TMEM200A: variants seen among roughly 807,000 people sequenced by gnomAD.
TMEM200A encodes two transmembrane C.
TMEM200A carries 12 observed loss-of-function variants against 24.3 expected under a neutral mutation model. The ratio of observed to expected loss-of-function variants is 0.49; its 90% CI spans 0.32 to 0.80. TMEM200A has a LOEUF of 0.80. Ranked by LOEUF, TMEM200A falls within the 30% of genes least tolerant of loss-of-function variation. TMEM200A has a pLI of 0.04. For missense variants in TMEM200A, 545 were observed against 614.4 expected (o/e 0.89, Z 1.19); for synonymous variants, 224 against 224.4 (o/e 1.00, Z 0.02).
chr6:130,372,505 C>A (rs968784366), intron 1 of TMEM200A, among the ~76,000 whole-genome samples: 4 of 152,052 alleles, frequency 2.6e-5, no homozygotes, highest in Non-Finnish European at 5.9e-5. Flanking sequence ...CTGAATTTAC[C>A]TTTATACATA....
intron 1 of TMEM200A, among the ~76,000 whole-genome samples, chr6:130,384,034 C>T (rs908306060): frequency 1.3e-5 from 2 of 152,034 alleles, no homozygotes; most frequent in African/African-American, 2.4e-5. Context: ...GCACGAGAAT[C>T]GCCTGAACCC....
chr6:130,442,149 C>CA lies in TMEM200A; in HGVS notation c.*255dup, dbSNP rs1377577001. On this transcript the variant is annotated 3_prime_UTR_variant, in exon 3 of 3. Transcript: ENST00000296978. ...ATGATCTCTTTTATTAATATGAATGCAAAATGCTTGCATCCAAATTAAAGC... is the reference window on the plus strand; with the variant it reads ...ATGATCTCTTTTATTAATATGAATGCAAAAATGCTTGCATCCAAATTAAAGC... The CA allele has an allele frequency of 1.2e-5, 4 of 344,948 alleles. No individual in the cohort carries two copies. In the East Asian group the frequency reaches 2.0e-4, roughly 17 times the overall value. 21.4% of individuals were successfully genotyped at this position (344,948 alleles called of 1,614,324 possible).
At chr6:130,402,353 A>G (rs1002062002) in intron 2 of TMEM200A, among the ~76,000 whole-genome samples, 2 of 152,030 alleles carry the variant, frequency 1.3e-5, no homozygotes, top group Admixed American at 6.6e-5. Flanking sequence ...TCAGTTGAGC[A>G]AAAAATACAA....
intron 2 of TMEM200A, among the ~76,000 whole-genome samples, chr6:130,427,635 G>T (rs1401308988): frequency 6.6e-6 from 1 of 151,976 alleles, no homozygotes. Context: ...TTACCCTCAA[G>T]AAAAGTACCC....
At chr6:130,369,318 G>A (rs756625668) in intron 1 of TMEM200A, among the ~76,000 whole-genome samples, 4 of 152,140 alleles carry the variant, frequency 2.6e-5, no homozygotes, top group Non-Finnish European at 4.4e-5. Context: ...ACCAGTATGC[G>A]CCACTGCCTT....
chr6:130,442,075 G>C lies in TMEM200A; in HGVS notation c.*177G>C. On this transcript the variant is annotated 3_prime_UTR_variant, in exon 3 of 3. Coordinates refer to ENST00000296978, the MANE Select transcript of TMEM200A (RefSeq NM_001258277.2). ...TATGTTTGGGTTACTTGTGACTGCAGTACTCTATGTTACCACACATGATTT... is the reference window on the plus strand; with the variant it reads ...TATGTTTGGGTTACTTGTGACTGCACTACTCTATGTTACCACACATGATTT... The C allele has an allele frequency of 1.8e-6, 1 of 541,944 alleles. No homozygotes were observed. Among genetic ancestry groups the C allele is most frequent in the Non-Finnish European group, 3.2e-6 (1 of 308,924 alleles). 33.6% of individuals were successfully genotyped at this position (541,944 alleles called of 1,614,324 possible).
At chr6:130,429,394 C>T (rs1319837942) in intron 2 of TMEM200A, among the ~76,000 whole-genome samples, 2 of 152,006 alleles carry the variant, frequency 1.3e-5, no homozygotes, top group African/African-American at 4.8e-5. Context: ...TGGTGTCATG[C>T]GCCTGTAATC....
Position 130,391,731 on chromosome 6 carries a change from CTTTTTTTTTTTTT to C in TMEM200A, c.-17+6512_-17+6524del, listed in dbSNP as rs773093362. ...CACTTCTTTTAAACCTTCAAGATTC[CTTTTTTTTTTTTT>C]TTTTTTTTTTTTTTTTGAGACAGAG... On this transcript the variant is annotated intron_variant, in intron 2 of 2. Coordinates refer to ENST00000296978, the MANE Select transcript of TMEM200A (RefSeq NM_001258277.2). Among the ~76,000 whole-genome samples the C allele has an allele frequency of 2.9e-4, 24 of 81,888 alleles. 1 individual carries two copies. Among genetic ancestry groups the C allele is most frequent in the African/African-American group, 2.3e-4 (4 of 17,766 alleles). The allele number at this position is 81,888 out of a possible 152,430, so 53.7% of individuals were successfully genotyped here.
intron 2 of TMEM200A, among the ~76,000 whole-genome samples, chr6:130,411,344 C>T (rs1356018979): frequency 6.6e-6 from 1 of 152,056 alleles, no homozygotes; most frequent in Non-Finnish European, 1.5e-5. Context: ...AAGTACAGTA[C>T]AAAAAGCTGT....
intron 2 of TMEM200A, among the ~76,000 whole-genome samples, chr6:130,398,810 A>G (rs1434865945): frequency 2.0e-5 from 3 of 151,900 alleles, no homozygotes; most frequent in Non-Finnish European, 4.4e-5. Flanking sequence ...TCACCATCTA[A>G]TGATATTATA....
intron 2 of TMEM200A, among the ~76,000 whole-genome samples, chr6:130,402,636 A>G (rs544728509): frequency 1.3e-5 from 2 of 152,114 alleles, no homozygotes; most frequent in Non-Finnish European, 2.9e-5. Context: ...CTGTCTACCT[A>G]TGGAATATAC....
intron 2 of TMEM200A, among the ~76,000 whole-genome samples, chr6:130,416,059 CTTG>C (rs754308846): frequency 2.0e-5 from 3 of 151,840 alleles, no homozygotes; most frequent in Admixed American, 6.6e-5. Flanking sequence ...CAGGCTTTTT[CTTG>C]TTGTTTTCTT....
chr6:130,366,480 A>C lies in TMEM200A; in HGVS notation c.-125A>C, dbSNP rs1778149186. 2.0e-6 allele frequency: 2 copies of C among 985,450 alleles called. No homozygotes were observed. Among genetic ancestry groups the C allele is most frequent in the African/African-American group, 1.7e-5 (1 of 57,186 alleles). 61.0% of individuals were successfully genotyped at this position (985,450 alleles called of 1,614,324 possible). ...TCCTGGAGTGAGACCAGGACTGAGA[A>C]CAGGGAGAGGCGACCCGACCCCCAG... is the stretch of plus-strand genomic sequence containing the variant. On this transcript the variant is annotated 5_prime_UTR_variant, in exon 1 of 3. Coordinates refer to ENST00000296978, the MANE Select transcript of TMEM200A (RefSeq NM_001258277.2). The surrounding 1 kb of genome is among the most constrained non-coding windows in gnomAD (Gnocchi z 4.4).
chr6:130,431,744 T>TAGAG (rs1229578143), intron 2 of TMEM200A, among the ~76,000 whole-genome samples: 1 of 152,120 alleles, frequency 6.6e-6, no homozygotes, highest in Non-Finnish European at 1.5e-5. Context: ...ATGTCATTGT[T>TAGAG]ACGCAGCTCA....
At chr6:130,419,979 G>A (rs1779544399) in intron 2 of TMEM200A, among the ~76,000 whole-genome samples, 1 of 152,130 alleles carries the variant, frequency 6.6e-6, no homozygotes, top group Non-Finnish European at 1.5e-5. Context: ...AGGTAGAAAG[G>A]CAAAAGGGAT....
intron 1 of TMEM200A, among the ~76,000 whole-genome samples, chr6:130,377,563 A>C (rs1287765934): frequency 6.6e-6 from 1 of 152,120 alleles, no homozygotes; most frequent in East Asian, 1.9e-4. Flanking sequence ...ATATTGACTC[A>C]TTGACTTCAG....
chr6:130,441,111 A>T lies in TMEM200A; in HGVS notation c.689A>T (p.Glu230Val). The T allele has an allele frequency of 6.2e-7, 1 of 1,614,004 alleles. No individual in the cohort carries two copies. Among genetic ancestry groups the T allele is most frequent in the South Asian group, 1.1e-5 (1 of 91,078 alleles). The change falls in exon 3 of 3, where the codon GAA (glutamate) becomes GTA (valine). Residue 230 changes from glutamate to valine, a missense_variant. Glu to Val is a moderately radical substitution (Grantham distance 121). Transcript: ENST00000296978. ...FRMDSSVEEDELMLNEGKSSG... is the reference protein window; with the variant it reads ...FRMDSSVEEDVLMLNEGKSSG... ...ATGGACAGCTCCGTGGAGGAGGATG[A>T]ACTTATGTTAAATGAAGGTAAGAGT...
intron 2 of TMEM200A, among the ~76,000 whole-genome samples, chr6:130,423,661 A>AG (rs1278236656): frequency 6.6e-6 from 1 of 152,094 alleles, no homozygotes; most frequent in African/African-American, 2.4e-5. Context: ...TTGGGGTGAT[A>AG]GGGGTCATTT....
intron 2 of TMEM200A, among the ~76,000 whole-genome samples, chr6:130,419,835 A>G (rs1779542100): frequency 1.3e-5 from 2 of 152,168 alleles, no homozygotes; most frequent in African/African-American, 4.8e-5. Flanking sequence ...TGAACAACAG[A>G]AATTTATTTT....
Sources: gnomAD v4.1 joint callset for allele counts (sites outside exome capture counted in the v4.1 genomes callset) on GRCh38, gnomAD v4.1.1 for gene constraint, Gnocchi (gnomAD v3.1) non-coding constraint, MANE v1.5 for transcripts, NCBI Gene and HGNC (gene_info 2026-07-23, HGNC 2026-07-21) for gene names.